FAP: variants seen among roughly 807,000 people sequenced by gnomAD.
FAP encodes fibroblast activation protein alpha.
Under a neutral mutation model 126.5 loss-of-function variants are expected in FAP, and 110 were observed. The observed-to-expected ratio is 0.87, with a 90% CI of 0.74 to 1.02. FAP has a LOEUF of 1.02. Ranked by LOEUF, FAP falls within the 50% of genes least tolerant of loss-of-function variation. The probability of loss-of-function intolerance (pLI) is 0.00; values close to 1 mark genes in which losing one functional copy is unlikely to be tolerated. For missense variants in FAP, 919 were observed against 909.2 expected (o/e 1.01, Z -0.14); for synonymous variants, 334 against 297.3 (o/e 1.12, Z -1.27).
chr2:162,185,001 A>T (rs142551841), intron 20 of FAP, among the ~76,000 whole-genome samples: 23 of 152,318 alleles, frequency 1.5e-4, no homozygotes, highest in African/African-American at 5.5e-4. Flanking sequence ...TAACATGGAA[A>T]TGAAACATTA....
intron 12 of FAP, among the ~76,000 whole-genome samples, chr2:162,203,795 T>C (rs1302005694): frequency 3.3e-5 from 5 of 152,146 alleles, no homozygotes; most frequent in Non-Finnish European, 7.4e-5. Flanking sequence ...ACCAATTAAC[T>C]ACCTAAGGTA....
At chr2:162,203,825 C>T (rs1688592318) in intron 12 of FAP, among the ~76,000 whole-genome samples, 1 of 152,146 alleles carries the variant, frequency 6.6e-6, no homozygotes, top group South Asian at 2.1e-4. Flanking sequence ...CTTTAGTGTG[C>T]CTTGAAACAG....
At chr2:162,187,402 G>C (rs1035338655) in intron 20 of FAP, among the ~76,000 whole-genome samples, 1 of 151,840 alleles carries the variant, frequency 6.6e-6, no homozygotes, top group South Asian at 2.1e-4. Flanking sequence ...TTAAATTTAC[G>C]AACTATTATT....
intron 8 of FAP, among the ~76,000 whole-genome samples, chr2:162,218,776 T>C (rs895122538): frequency 2.6e-5 from 4 of 151,942 alleles, no homozygotes; most frequent in Non-Finnish European, 5.9e-5. Flanking sequence ...AAAGTAAACA[T>C]GAGAAAATGT....
chr2:162,216,720 T>C (rs1331757165), intron 9 of FAP, among the ~76,000 whole-genome samples: 6 of 152,180 alleles, frequency 3.9e-5, no homozygotes, highest in Non-Finnish European at 1.5e-5. Context: ...TCATGAAATG[T>C]AGGTGCACAG....
chr2:162,189,620 C>T, intron 18 of FAP, 36 bp downstream of exon 18: 4 of 1,183,936 alleles, frequency 3.4e-6, no homozygotes, highest in Non-Finnish European at 4.9e-6. Flanking sequence ...TGCTCAGCTT[C>T]ATATCTATAA....
chr2:162,238,414 A>C (rs897107740), intron 2 of FAP, among the ~76,000 whole-genome samples: 1 of 152,234 alleles, frequency 6.6e-6, no homozygotes, highest in African/African-American at 2.4e-5. Context: ...TGTGAGAATC[A>C]TACAAAGATT....
chr2:162,223,807 C>A (rs922154088), intron 5 of FAP, 147 bp from the exon 6 acceptor site: 1 of 616,852 alleles, frequency 1.6e-6, no homozygotes, highest in African/African-American at 1.9e-5. Flanking sequence ...GTTTCAATTC[C>A]AAATGAGTCT....
intron 2 of FAP, among the ~76,000 whole-genome samples, chr2:162,235,779 A>G (rs1031789074): frequency 6.6e-6 from 1 of 152,278 alleles, no homozygotes; most frequent in Non-Finnish European, 1.5e-5. Flanking sequence ...GCTCTTTGCA[A>G]TAAATCTTGC....
intron 20 of FAP, among the ~76,000 whole-genome samples, chr2:162,185,079 C>T (rs1441400088): frequency 6.6e-6 from 1 of 152,132 alleles, no homozygotes; most frequent in Non-Finnish European, 1.5e-5. Context: ...ACCAACGAGG[C>T]ACTATAAAAT....
rs776693204 is a variant in FAP, at chr2:162,214,034, T to G, written c.906A>C (p.Glu302Asp). 6.2e-7 allele frequency: 1 copy of G among 1,614,104 alleles called. No individual in the cohort carries two copies. Among genetic ancestry groups the G allele is most frequent in the South Asian group, 1.1e-5 (1 of 91,066 alleles). ...YFSWLTWVTD[E>D]RVCLQWLKRV... ...TTTTTAGCCACTGCAAACATACTCG[T>G]TCATCAGTAACCCACGTGAGCCAAC... The change falls in exon 11 of 26, where the codon GAA becomes GAC. Residue 302 changes from glutamate (E) to aspartate (D), a missense_variant. Glu to Asp is a conservative substitution (Grantham distance 45). Coordinates refer to ENST00000188790, the MANE Select transcript of FAP (RefSeq NM_004460.5).
At chr2:162,173,322 G>T in intron 23 of FAP, 101 bp from the exon 24 acceptor site, 1 of 811,150 alleles carries the variant, frequency 1.2e-6, no homozygotes, top group Non-Finnish European at 2.1e-6. Flanking sequence ...CTGAAATTAT[G>T]TATTGCTTTG....
chr2:162,195,847 T>C (rs1193340549), intron 16 of FAP, among the ~76,000 whole-genome samples: 3 of 152,088 alleles, frequency 2.0e-5, no homozygotes, highest in Non-Finnish European at 4.4e-5. Flanking sequence ...AGGTACATGT[T>C]CATTTGCCAC....
At position 162,173,675 on chromosome 2, in the gene FAP, A is replaced by G. The variant is rs747237791; in HGVS notation, c.2034+48T>C. ...CTGAACTACTGCTTTTAAGTTATTT[A>G]GCATATTAGAAATTAATTATTAACC... On this transcript the variant is annotated intron_variant, in intron 23 of 25. Coordinates refer to ENST00000188790, the MANE Select transcript of FAP (RefSeq NM_004460.5). The G allele has an allele frequency of 9.0e-6, 11 of 1,221,828 alleles. No homozygotes were observed. The African/African-American group carries it at 1.6e-4, about 18-fold the overall frequency. 75.7% of individuals were successfully genotyped at this position (1,221,828 alleles called of 1,614,324 possible). A position where few individuals can be genotyped will look rare whatever the true frequency, so the allele number is the denominator to read the frequency against.
intron 7 of FAP, 79 bp from the exon 8 acceptor site, chr2:162,219,262 C>A (rs1689285905): frequency 1.5e-6 from 2 of 1,329,808 alleles, no homozygotes; most frequent in South Asian, 2.8e-5. Flanking sequence ...CCTCTAATAC[C>A]TTTAAACAGA....
In FAP at chr2:162,219,074, C is replaced by G. The variant is rs371176473; in HGVS notation, c.596G>C (p.Trp199Ser). ...ENKIFNGIPD[W>S]VYEEEMLATK... Reference sequence around the variant, plus strand: ...GGAATACAGCTTACCTTCATAAACCCAGTCTGGGATTCCATTAAATATTTT... The same window carrying G: ...GGAATACAGCTTACCTTCATAAACCGAGTCTGGGATTCCATTAAATATTTT... Residue 199 changes from tryptophan (W) to serine (S), a missense_variant, in exon 8 of 26, where the codon TGG (tryptophan) becomes TCG (serine). Trp to Ser is a radical substitution (Grantham distance 177). Transcript: ENST00000188790. 3 of 1,602,592 alleles carry G rather than the reference C, an allele frequency of 1.9e-6. No homozygotes were observed. The highest frequency in any genetic ancestry group is 2.6e-6 in the Non-Finnish European group (3 of 1,174,186).
At position 162,172,776 on chromosome 2, in the gene FAP, A is replaced by G. The variant is rs370569560; in HGVS notation, c.2181+35T>C. On this transcript the variant is annotated intron_variant, in intron 25 of 25. Transcript: ENST00000188790. ...ACCCCTCCTTTTAGCTTGAGGGTCT[A>G]AGGCCATGAACATGAGTAAAACAAA... The G allele has an allele frequency of 1.2e-5, 17 of 1,428,704 alleles. No individual in the cohort carries two copies. The African/African-American group carries it at 1.8e-4, about 15-fold the overall frequency. 88.5% of individuals were successfully genotyped at this position (1,428,704 alleles called of 1,614,324 possible).
chr2:162,176,854 A>C (rs1016824707), intron 21 of FAP, among the ~76,000 whole-genome samples: 1 of 152,166 alleles, frequency 6.6e-6, no homozygotes, highest in Non-Finnish European at 1.5e-5. Flanking sequence ...AGGAATTATT[A>C]ATCTGTATCT....
intron 2 of FAP, among the ~76,000 whole-genome samples, chr2:162,229,611 C>G (rs1448176451): frequency 6.6e-6 from 1 of 152,090 alleles, no homozygotes; most frequent in Non-Finnish European, 1.5e-5. Context: ...ACAACAGTTT[C>G]AAATTACTTT....
Sources: gnomAD v4.1 joint callset for allele counts (sites outside exome capture counted in the v4.1 genomes callset) on GRCh38, gnomAD v4.1.1 for gene constraint, MANE v1.5 for transcripts, NCBI Gene and HGNC (gene_info 2026-07-23, HGNC 2026-07-21) for gene names.